The following TEX14 variants were observed in gnomAD, a reference collection of about 807,000 sequenced individuals.
TEX14 encodes inactive serine/threonine-protein kinase TEX14.
Under a neutral mutation model 178.6 loss-of-function variants are expected in TEX14, and 168 were observed. That is an observed-to-expected ratio of 0.94 (90% confidence interval 0.83 to 1.07). The LOEUF (loss-of-function observed/expected upper bound fraction) is 1.07, where lower values mean the gene tolerates loss of function less well. Among genes scored for constraint, TEX14 ranks in the 50% least tolerant of loss-of-function variants. The pLI, the probability that TEX14 is intolerant of heterozygous loss-of-function variation, is 0.00. For synonymous variants in TEX14, 626 were observed against 634.1 expected (o/e 0.99, Z 0.19); for missense variants, 1,730 against 1,753.6 (o/e 0.99, Z 0.24).
chr17:58,682,776 G>T (rs1215471000), intron 1 of TEX14, among the ~76,000 whole-genome samples: 3 of 152,130 alleles, frequency 2.0e-5, no homozygotes, highest in Admixed American at 1.3e-4. Context: ...CAAAATATCT[G>T]TTCAAGGGAG....
chr17:58,626,130 T>G (rs1046386043), intron 3 of TEX14, among the ~76,000 whole-genome samples: 2 of 152,150 alleles, frequency 1.3e-5, no homozygotes, highest in African/African-American at 2.4e-5. Context: ...CTCCCTTTCC[T>G]GCCCCCCTTT....
chr17:58,599,791 C>T, intron 13 of TEX14, 125 bp from the exon 14 acceptor site: 1 of 743,940 alleles, frequency 1.3e-6, no homozygotes, highest in Non-Finnish European at 2.1e-6. Context: ...TTTCCCACCC[C>T]CTTCCCAGTT....
intron 1 of TEX14, among the ~76,000 whole-genome samples, chr17:58,673,136 G>A (rs763475438): frequency 9.2e-5 from 14 of 151,988 alleles, no homozygotes; most frequent in Admixed American, 3.3e-4. Flanking sequence ...AACTCTGAGG[G>A]GATGTTTTTG....
chr17:58,633,757 A>C (rs1243379223), intron 2 of TEX14, among the ~76,000 whole-genome samples: 1 of 151,960 alleles, frequency 6.6e-6, no homozygotes, highest in Non-Finnish European at 1.5e-5. Flanking sequence ...TCACAAGGTC[A>C]GGAGCTCGAG....
At chr17:58,584,395 G>A in intron 19 of TEX14, 105 bp downstream of exon 19, 2 of 763,030 alleles carry the variant, frequency 2.6e-6, no homozygotes, top group Non-Finnish European at 4.5e-6. Context: ...CAGCCAAAAA[G>A]AACTACTATA....
At chr17:58,640,839 C>T (rs763425677) in intron 2 of TEX14, among the ~76,000 whole-genome samples, 1 of 152,176 alleles carries the variant, frequency 6.6e-6, no homozygotes, top group Non-Finnish European at 1.5e-5. Flanking sequence ...CCCACCTCAG[C>T]CTCTCGAGTA....
chr17:58,564,830 T>G (rs763632919), intron 28 of TEX14, 39 bp downstream of exon 28: 1 of 1,303,528 alleles, frequency 7.7e-7, no homozygotes, highest in Admixed American at 2.4e-5. Context: ...AACTATACAA[T>G]TTTTTAAATC....
chr17:58,602,516 C>T lies in TEX14; in HGVS notation c.1411G>A (p.Asp471Asn). 1 of 1,613,966 alleles carries T rather than the reference C, an allele frequency of 6.2e-7. No homozygotes were observed. Among genetic ancestry groups the T allele is most frequent in the Non-Finnish European group, 8.5e-7 (1 of 1,180,002 alleles). Residue 471 changes from aspartate (D) to asparagine (N), a missense_variant, in exon 12 of 32, where the codon GAT (aspartate) becomes AAT (asparagine). By Grantham distance (23) the Asp-to-Asn change is conservative. Transcript: ENST00000349033. ...AVVSGNYLEA[D>N]VRLPKPYYDI... ...TAGTAAGGTTTCGGAAGCCTGACAT[C>T]AGCTTCTAAATAATTCCCCGAGACT...
chr17:58,676,840 T>C (rs1417768448), intron 1 of TEX14, among the ~76,000 whole-genome samples: 1 of 151,716 alleles, frequency 6.6e-6, no homozygotes, highest in Non-Finnish European at 1.5e-5. Flanking sequence ...CTTTTAAAAT[T>C]AGCCAGCTGA....
Position 58,593,600 on chromosome 17 carries a change from CCTT to C in TEX14, c.2528_2530del (p.Gln843_Gly844delinsArg). On this transcript the variant is annotated inframe_deletion, in exon 15 of 32. Coordinates refer to ENST00000349033, the MANE Select transcript of TEX14 (RefSeq NM_031272.5). The stretch of plus-strand genomic sequence containing the variant: ...GCTTGTTTCCAAACTGTCCTTGGCT[CCTT>C]GAGTGCACTGAAATTGTTCATCTGT... 5.6e-6 allele frequency: 9 copies of C among 1,614,114 alleles called. No individual in the cohort carries two copies. Among genetic ancestry groups the C allele is most frequent in the Non-Finnish European group, 7.6e-6 (9 of 1,179,996 alleles).
intron 26 of TEX14, among the ~76,000 whole-genome samples, chr17:58,566,514 G>A (rs1007338171): frequency 1.3e-5 from 2 of 152,148 alleles, no homozygotes; most frequent in African/African-American, 4.8e-5. Context: ...AAGACAGAAG[G>A]CAGGCTGAGC....
intron 1 of TEX14, among the ~76,000 whole-genome samples, chr17:58,653,745 G>A (rs2046888578): frequency 6.6e-6 from 1 of 152,230 alleles, no homozygotes; most frequent in Non-Finnish European, 1.5e-5. Context: ...GTGATCCTAT[G>A]AAAAGATGCC....
In TEX14 at chr17:58,583,818, T is replaced by C. The variant is rs116080319; in HGVS notation, c.3171+682A>G. ...ATAAGTTGATCTTATGAATGGTTCA[T>C]ATGCCATGATTAAATACAATAGGTC... On this transcript the variant is annotated intron_variant, in intron 19 of 31. Transcript: ENST00000349033. Among the ~76,000 whole-genome samples, 448 of 152,358 alleles carry C rather than the reference T, an allele frequency of 2.9e-3. 2 individuals are homozygous for C. The highest frequency in any genetic ancestry group is 0.01 in the African/African-American group (433 of 41,576).
intron 10 of TEX14, 108 bp from the exon 11 acceptor site, chr17:58,605,237 G>A: frequency 7.4e-7 from 1 of 1,343,260 alleles, no homozygotes. Flanking sequence ...TGTCACCCAG[G>A]CTGGAAAGCA....
Position 58,622,901 on chromosome 17 carries a change from CCT to C in TEX14, c.361_362del (p.Arg121GlyfsTer16). 1 of 1,613,254 alleles carries C rather than the reference CCT, an allele frequency of 6.2e-7. No individual in the cohort carries two copies. The highest frequency in any genetic ancestry group is 8.5e-7 in the Non-Finnish European group (1 of 1,179,408). ...AAGCCCAAGTCTTCGGGTTTTGACC[CCT>C]CTCATCGTGGAGTCGCAGGTCACCT... ...AGGDLRLHDE[R>X]GQNPKTWALT... On this transcript the variant is annotated frameshift_variant, in exon 4 of 32. Coordinates refer to ENST00000349033, the MANE Select transcript of TEX14 (RefSeq NM_031272.5). LOFTEE classifies it high-confidence loss of function.
At chr17:58,610,024 T>C (rs1203545212) in intron 10 of TEX14, among the ~76,000 whole-genome samples, 1 of 152,190 alleles carries the variant, frequency 6.6e-6, no homozygotes, top group Non-Finnish European at 1.5e-5. Flanking sequence ...GCAGAACCAA[T>C]ACTGGCCCAA....
At chr17:58,635,132 CAAAAAA>C (rs71143260) in intron 2 of TEX14, among the ~76,000 whole-genome samples, 3 of 144,118 alleles carry the variant, frequency 2.1e-5, no homozygotes, top group Non-Finnish European at 4.5e-5. Context: ...AACTCTGTCT[CAAAAAA>C]AAAAAAAGTT....
chr17:58,565,437 C>T (rs1376019584), intron 27 of TEX14, among the ~76,000 whole-genome samples: 1 of 152,190 alleles, frequency 6.6e-6, no homozygotes, highest in Non-Finnish European at 1.5e-5. Context: ...TCATTCCATC[C>T]TGCCAGCAGT....
intron 15 of TEX14, among the ~76,000 whole-genome samples, chr17:58,591,975 C>T (rs2045154196): frequency 6.6e-6 from 1 of 151,472 alleles, no homozygotes; most frequent in South Asian, 2.1e-4. Flanking sequence ...AGGAGGATCG[C>T]TTGAACCCAG....
Sources: allele counts gnomAD v4.1 joint callset (sites outside exome capture counted in the v4.1 genomes callset), GRCh38; gene constraint gnomAD v4.1.1; transcripts MANE v1.5; gene names NCBI Gene and HGNC (gene_info 2026-07-23, HGNC 2026-07-21).